Variants in MSRA observed in about 807,000 individuals in gnomAD.
The protein encoded by MSRA is methionine sulfoxide reductase A, also known as mitochondrial peptide methionine sulfoxide reductase.
Under a neutral mutation model 31.3 loss-of-function variants are expected in MSRA, and 54 were observed. The observed-to-expected ratio is 1.73, with a 90% confidence interval of 1.39 to 2.17. The LOEUF is 2.17. Ranked by LOEUF, MSRA falls within the 30% of genes most tolerant of loss-of-function variation. MSRA has a pLI of 0.00. For synonymous variants in MSRA, 169 were observed against 116.5 expected, an observed-to-expected ratio of 1.45 and a Z score of -2.90; for missense variants, 507 against 300.9, an observed-to-expected ratio of 1.69 and a Z score of -5.07.
chr8:10,054,680 G>A (rs960785552), intron 1 of MSRA, 22 bp downstream of exon 1: 11 of 1,490,156 alleles, frequency 7.4e-6, no homozygotes, highest in East Asian at 2.8e-5. Context: ...CCACACGGAA[G>A]GCGCGGGCGG....
At chr8:10,059,642 A>G (rs1802594786) in intron 1 of MSRA, among the ~76,000 whole-genome samples, 1 of 152,224 alleles carries the variant, frequency 6.6e-6, no homozygotes, top group South Asian at 2.1e-4. Flanking sequence ...AAAGACTGAT[A>G]AATTAGATCA....
chr8:10,197,112 A>T (rs1161762921), intron 1 of MSRA, among the ~76,000 whole-genome samples: 1 of 152,162 alleles, frequency 6.6e-6, no homozygotes, highest in Non-Finnish European at 1.5e-5. Flanking sequence ...TAATCCTTAA[A>T]ATAACCTTAT....
At chr8:10,138,536 A>G (rs1021171308) in intron 1 of MSRA, among the ~76,000 whole-genome samples, 1 of 152,224 alleles carries the variant, frequency 6.6e-6, no homozygotes, top group Non-Finnish European at 1.5e-5. Flanking sequence ...TACTTCTCAA[A>G]TATGTCAGTC....
intron 1 of MSRA, among the ~76,000 whole-genome samples, chr8:10,203,518 G>A (rs147072133): frequency 1.3e-5 from 2 of 152,322 alleles, no homozygotes; most frequent in Non-Finnish European, 2.9e-5. Context: ...TAGTGACATT[G>A]TAACCATGGT....
At chr8:10,216,651 C>A (rs1474416617) in intron 2 of MSRA, among the ~76,000 whole-genome samples, 3 of 152,214 alleles carry the variant, frequency 2.0e-5, no homozygotes, top group Admixed American at 2.0e-4. Flanking sequence ...TAGGGACCTC[C>A]TATAGATAGA....
At chr8:10,184,046 G>A (rs1259364815) in intron 1 of MSRA, among the ~76,000 whole-genome samples, 1 of 149,030 alleles carries the variant, frequency 6.7e-6, no homozygotes, top group Non-Finnish European at 1.5e-5. Context: ...TGGTGTTCGT[G>A]ATGTTGTTGG....
At chr8:10,345,925 A>C (rs1803743626) in intron 5 of MSRA, among the ~76,000 whole-genome samples, 1 of 152,186 alleles carries the variant, frequency 6.6e-6, no homozygotes, top group Non-Finnish European at 1.5e-5. Context: ...ATTTAGTTTA[A>C]TCTCCTGGCA....
intron 1 of MSRA, among the ~76,000 whole-genome samples, chr8:10,113,295 T>TTTTTTTTTTG (rs1800432082): frequency 9.7e-6 from 1 of 103,342 alleles, no homozygotes; most frequent in African/African-American, 5.0e-5. Context: ...AGGTCTTCTT[T>TTTTTTTTTTG]TTTTTTTTTT....
At chr8:10,330,249 C>G (rs1211237738) in intron 5 of MSRA, among the ~76,000 whole-genome samples, 3 of 151,562 alleles carry the variant, frequency 2.0e-5, no homozygotes, top group African/African-American at 7.3e-5. Flanking sequence ...GCAGTAGTGA[C>G]CCAATATACA....
chr8:10,241,592 T>A (rs1384890087), intron 2 of MSRA, among the ~76,000 whole-genome samples: 1 of 152,188 alleles, frequency 6.6e-6, no homozygotes, highest in Non-Finnish European at 1.5e-5. Context: ...AAGCTTTTCA[T>A]TATAAGGTAT....
rs375109059 is a variant in MSRA, at chr8:10,067,287, C to T, written c.142+12629C>T. Among the ~76,000 whole-genome samples, 7 of 152,254 alleles carry T rather than the reference C, an allele frequency of 4.6e-5. No individual in the cohort carries two copies. The East Asian group carries it at 5.8e-4, about 13-fold the overall frequency. On this transcript the variant is annotated intron_variant, in intron 1 of 5. Transcript: ENST00000317173. Reference sequence around the variant, plus strand: ...GGAATTATATAGTATATAGCCTTTTCGGTTGGCTTCTTTCACTTAACAATA... The same window carrying T: ...GGAATTATATAGTATATAGCCTTTTTGGTTGGCTTCTTTCACTTAACAATA...
At chr8:10,084,262 C>G in intron 1 of MSRA, among the ~76,000 whole-genome samples, 1 of 152,234 alleles carries the variant, frequency 6.6e-6, no homozygotes, top group East Asian at 1.9e-4. Flanking sequence ...TGGGCCTTAG[C>G]CTCTTTCTTT....
At chr8:10,084,897 T>TTGAG (rs58567446) in intron 1 of MSRA, among the ~76,000 whole-genome samples, 152,241 of 152,292 alleles carry the variant, frequency 1, 76,095 homozygotes, top group Middle Eastern at 1. Context: ...GCTTTGCGAA[T>TTGAG]TAACATTCTT....
chr8:10,255,494 G>A (rs528767792), intron 3 of MSRA, among the ~76,000 whole-genome samples: 29 of 152,214 alleles, frequency 1.9e-4, no homozygotes, highest in African/African-American at 7.0e-4. Context: ...CTTCCCCCTC[G>A]GTCCCGGCAG....
At chr8:10,372,771 G>T (rs1411067026) in intron 5 of MSRA, among the ~76,000 whole-genome samples, 1 of 152,228 alleles carries the variant, frequency 6.6e-6, no homozygotes, top group African/African-American at 2.4e-5. Flanking sequence ...TACTATTTTT[G>T]AAGGTTTAAG....
intron 4 of MSRA, among the ~76,000 whole-genome samples, chr8:10,317,835 G>A (rs1210776435): frequency 6.6e-6 from 1 of 152,154 alleles, no homozygotes; most frequent in Non-Finnish European, 1.5e-5. Context: ...TCATTGCTTG[G>A]TGATTATGCT....
At chr8:10,240,841 C>A (rs1025316381) in intron 2 of MSRA, among the ~76,000 whole-genome samples, 2 of 152,082 alleles carry the variant, frequency 1.3e-5, no homozygotes, top group Admixed American at 1.3e-4. Context: ...CCCCCCGCAC[C>A]CCCATCCCCC....
At chr8:10,277,861 A>G (rs1433287885) in intron 3 of MSRA, among the ~76,000 whole-genome samples, 1 of 152,168 alleles carries the variant, frequency 6.6e-6, no homozygotes, top group Non-Finnish European at 1.5e-5. Context: ...TTCATGTTGT[A>G]TATCATAAAT....
intron 5 of MSRA, among the ~76,000 whole-genome samples, chr8:10,362,677 A>C (rs148244079): frequency 0.017 from 2,576 of 152,154 alleles, 34 homozygotes; most frequent in Non-Finnish European, 0.026. Flanking sequence ...TCCCAAGAGA[A>C]AGGAGGTCTC....
Sources: allele counts gnomAD v4.1 joint callset (sites outside exome capture counted in the v4.1 genomes callset), GRCh38; gene constraint gnomAD v4.1.1; transcripts MANE v1.5; gene names NCBI Gene and HGNC (gene_info 2026-07-23, HGNC 2026-07-21).